The following OR6N1 variants were observed in gnomAD, a reference collection of about 807,000 sequenced individuals.
OR6N1 encodes olfactory receptor 6N1.
For missense variants in OR6N1, 394 were observed against 371.7 expected, an observed-to-expected ratio of 1.06 and a Z score of -0.49; for synonymous variants, 170 against 150.7, an observed-to-expected ratio of 1.13 and a Z score of -0.94.
At chr1:158,791,723 C>T in the OR6N1 span, among the ~76,000 whole-genome samples, 1 of 152,152 alleles carries the variant, frequency 6.6e-6, no homozygotes, top group Admixed American at 6.5e-5. Context: ...CTGCCTCGGC[C>T]TCCCAAAGTG....
the OR6N1 span, among the ~76,000 whole-genome samples, chr1:158,807,991 A>C: frequency 3.6e-4 from 54 of 151,528 alleles, no homozygotes; most frequent in South Asian, 0.011. Context: ...CTTTACTGGT[A>C]TTTTCTTTGA....
the OR6N1 span, among the ~76,000 whole-genome samples, chr1:158,803,167 G>A: frequency 2.6e-5 from 4 of 152,146 alleles, no homozygotes; most frequent in South Asian, 4.1e-4. Flanking sequence ...TAAGTGTTCT[G>A]AGTTCAAATT....
the OR6N1 span, among the ~76,000 whole-genome samples, chr1:158,783,591 G>A: frequency 0.016 from 2,378 of 152,140 alleles, 66 homozygotes; most frequent in African/African-American, 0.055. Context: ...AACATTCTAT[G>A]TTCCAAGCCT....
the OR6N1 span, among the ~76,000 whole-genome samples, chr1:158,801,259 G>T: frequency 6.6e-6 from 1 of 151,618 alleles, no homozygotes; most frequent in African/African-American, 2.4e-5. Context: ...AGAGAGAGTG[G>T]GTTGGCTCCT....
chr1:158,766,613 G>A lies in OR6N1; in HGVS notation c.70C>T (p.Gln24Ter). Residue 24 changes from glutamine (Q) to a stop codon, truncating the protein, a stop_gained, in exon 2 of 2, where the codon CAG becomes TAG. Transcript: ENST00000641846. LOFTEE classifies it low-confidence loss of function (END_TRUNC). ...ILGFPHLQGVQIYLFLLLLLI... is the reference protein window; with the variant it reads ...ILGFPHLQGV ...AGCAACAAGAGGAAGAGATAAATCT[G>A]GACACCCTGGAGATGGGGGAAGCCC... 1.2e-6 allele frequency: 2 copies of A among 1,613,874 alleles called. No homozygotes were observed. Among genetic ancestry groups the A allele is most frequent in the Non-Finnish European group, 1.7e-6 (2 of 1,179,952 alleles).
upstream of OR6N1, among the ~76,000 whole-genome samples, chr1:158,772,941 C>T (rs921191552): frequency 2.0e-5 from 3 of 152,100 alleles, no homozygotes; most frequent in African/African-American, 7.2e-5. Flanking sequence ...TGTATCAAAA[C>T]ATCACATATA....
the OR6N1 span, among the ~76,000 whole-genome samples, chr1:158,826,122 G>A: frequency 3.3e-5 from 5 of 151,646 alleles, no homozygotes; most frequent in African/African-American, 2.4e-5. Flanking sequence ...ACTTGAGGGT[G>A]AAGGTTGGGA....
chr1:158,776,204 TG>T (rs147994362), upstream of OR6N1: 3,852 of 152,504 alleles, frequency 0.025, 80 homozygotes, highest in Non-Finnish European at 0.042. Flanking sequence ...ACTGGTCATG[TG>T]TGTCAAGAGT....
chr1:158,826,136 A>C, the OR6N1 span, among the ~76,000 whole-genome samples: 1 of 151,810 alleles, frequency 6.6e-6, no homozygotes, highest in African/African-American at 2.4e-5. Flanking sequence ...GTTGGGAGAA[A>C]GGAGAATATT....
At chr1:158,802,613 T>C in the OR6N1 span, among the ~76,000 whole-genome samples, 3 of 152,082 alleles carry the variant, frequency 2.0e-5, no homozygotes, top group Non-Finnish European at 2.9e-5. Context: ...CACATCACCA[T>C]ATTATCACAG....
chr1:158,817,105 A>G, the OR6N1 span, among the ~76,000 whole-genome samples: 1 of 152,188 alleles, frequency 6.6e-6, no homozygotes. Context: ...GAAAAGGGTC[A>G]AAGAGTACGA....
chr1:158,800,366 G>A, the OR6N1 span, among the ~76,000 whole-genome samples: 2 of 152,066 alleles, frequency 1.3e-5, no homozygotes, highest in Admixed American at 1.3e-4. Flanking sequence ...CTACTATTTT[G>A]CTGTTGTTGT....
chr1:158,833,191 C>T, the OR6N1 span, among the ~76,000 whole-genome samples: 1 of 152,080 alleles, frequency 6.6e-6, no homozygotes, highest in East Asian at 1.9e-4. Context: ...ATCTTTCTTC[C>T]CTTTTGGCCT....
chr1:158,790,699 G>A, the OR6N1 span, among the ~76,000 whole-genome samples: 4,879 of 152,106 alleles, frequency 0.032, 224 homozygotes, highest in African/African-American at 0.11. Flanking sequence ...CCACTGCGCC[G>A]GGCCTTTGAT....
In OR6N1 at chr1:158,766,049, G is replaced by C; in HGVS notation, c.634C>G (p.Leu212Val). The C allele has an allele frequency of 5.0e-6, 8 of 1,614,218 alleles. No homozygotes were observed. Among genetic ancestry groups the C allele is most frequent in the Non-Finnish European group, 6.8e-6 (8 of 1,180,042 alleles). Residue 212 changes from leucine (L) to valine (V), a missense_variant, in exon 2 of 2, where the codon CTG (leucine) becomes GTG (valine). Leu to Val is a conservative substitution (Grantham distance 32, BLOSUM62 1). Coordinates refer to ENST00000641846, the MANE Select transcript of OR6N1 (RefSeq NM_001005185.2). ...TGCACATAGGAGCAGAGGATCAGCAGGAAGGTGGCTAGGATCTTGCAGGAA... is the reference window on the plus strand; with the variant it reads ...TGCACATAGGAGCAGAGGATCAGCACGAAGGTGGCTAGGATCTTGCAGGAA... ...INSCKILATF[L>V]LILCSYVQII...
the OR6N1 span, among the ~76,000 whole-genome samples, chr1:158,800,292 C>T: frequency 1.3e-5 from 2 of 152,072 alleles, no homozygotes; most frequent in East Asian, 1.9e-4. Flanking sequence ...ACCTATCTAC[C>T]CCATACCACA....
At chr1:158,776,939 C>T (rs1460821451), upstream of OR6N1, 3 of 1,613,864 alleles carry the variant, frequency 1.9e-6, no homozygotes, top group Non-Finnish European at 2.5e-6. Context: ...TTCTTTCTTC[C>T]TGATGCTGTT....
intron 1 of OR6N1, 131 bp downstream of exon 1, chr1:158,771,890 T>C (rs980772039): frequency 6.6e-6 from 1 of 152,234 alleles, no homozygotes; most frequent in Non-Finnish European, 1.5e-5. Flanking sequence ...ATAGTTTCTG[T>C]GTTTCAATTA....
chr1:158,780,228 G>T, the OR6N1 span, among the ~76,000 whole-genome samples: 1 of 152,152 alleles, frequency 6.6e-6, no homozygotes, highest in African/African-American at 2.4e-5. Context: ...TCTTTTGTGT[G>T]CAAGGAACTG....
Sources: gnomAD v4.1 joint callset for allele counts (sites outside exome capture counted in the v4.1 genomes callset) on GRCh38, gnomAD v4.1.1 for gene constraint, MANE v1.5 for transcripts, NCBI Gene and HGNC (gene_info 2026-07-23, HGNC 2026-07-21) for gene names.